Variants in C10orf67 observed in about 807,000 individuals in gnomAD.
C10orf67 encodes the protein chromosome 10 open reading frame 67.
C10orf67 carries 60 observed loss-of-function variants against 35.6 expected under a neutral mutation model. The ratio of observed to expected loss-of-function variants is 1.68; its 90% CI spans 1.37 to 2.09. The LOEUF (loss-of-function observed/expected upper bound fraction) is 2.09. C10orf67 is among the 30% of genes most tolerant of loss of function. The probability of loss-of-function intolerance (pLI) is 0.00; values close to 1 mark genes in which losing one functional copy is unlikely to be tolerated. For missense variants in C10orf67, 474 were observed against 330.2 expected (o/e 1.44, Z -3.38); for synonymous variants, 167 against 115.8 (o/e 1.44, Z -2.84).
chr10:23,308,451 C>A (rs1409060443), intron 4 of C10orf67, among the ~76,000 whole-genome samples: 1 of 152,198 alleles, frequency 6.6e-6, no homozygotes, highest in Non-Finnish European at 1.5e-5. Context: ...TGATCTGCTG[C>A]CAACTTACCT....
At chr10:23,211,944 G>A (rs1278088721) in intron 15 of C10orf67, among the ~76,000 whole-genome samples, 1 of 152,180 alleles carries the variant, frequency 6.6e-6, no homozygotes, top group Non-Finnish European at 1.5e-5. Flanking sequence ...AAGCCAGCCT[G>A]TTAGGAATTG....
At chr10:23,220,148 G>A (rs1841539566) in intron 15 of C10orf67, among the ~76,000 whole-genome samples, 1 of 151,960 alleles carries the variant, frequency 6.6e-6, no homozygotes, top group Admixed American at 6.6e-5. Context: ...CTCCAGCCTG[G>A]ATGACAGACA....
At chr10:23,330,982 ACTGGTAAGGG>A (rs2132380806) in intron 2 of C10orf67, among the ~76,000 whole-genome samples, 2 of 135,650 alleles carry the variant, frequency 1.5e-5, no homozygotes, top group South Asian at 5.2e-4. Flanking sequence ...GGGGAGGGAA[ACTGGTAAGGG>A]AGGGAAGGGG....
intron 7 of C10orf67, among the ~76,000 whole-genome samples, chr10:23,282,617 G>A (rs921224740): frequency 6.6e-6 from 1 of 152,028 alleles, no homozygotes; most frequent in Non-Finnish European, 1.5e-5. Context: ...GATCACCTGA[G>A]GTCAGGAGTT....
At chr10:23,321,740 G>T (rs12260616) in intron 3 of C10orf67, among the ~76,000 whole-genome samples, 2 of 152,108 alleles carry the variant, frequency 1.3e-5, no homozygotes, top group Non-Finnish European at 2.9e-5. Context: ...GATGGTTTTT[G>T]TTTGCTTGTT....
intron 4 of C10orf67, among the ~76,000 whole-genome samples, chr10:23,306,374 A>T (rs2069346627): frequency 6.6e-6 from 1 of 151,940 alleles, no homozygotes; most frequent in Admixed American, 6.6e-5. Context: ...AATGCAAAAA[A>T]TTAGCTGGGC....
rs569758785 is a variant in C10orf67 at position 23,266,435 on chromosome 10, C to T, written c.1036-9G>A. On this transcript the variant is annotated splice_polypyrimidine_tract_variant and intron_variant, in intron 9 of 15. Coordinates refer to ENST00000636213, the MANE Select transcript of C10orf67 (RefSeq NM_001371909.1). ...TTGGCTGATCTTGCAACCTGCCACA[C>T]AAAAAGACACAACTTTGTTATTCTC... 7.5e-6 allele frequency: 3 copies of T among 398,552 alleles called. No individual in the cohort carries two copies. Among genetic ancestry groups the T allele is most frequent in the Non-Finnish European group, 1.3e-5 (3 of 226,034 alleles). 24.7% of individuals were successfully genotyped at this position (398,552 alleles called of 1,614,324 possible). A position where few individuals can be genotyped will look rare whatever the true frequency, so the allele number is the denominator to read the frequency against.
Position 23,231,095 on chromosome 10 carries a change from G to A in C10orf67, c.1435-7277C>T, listed in dbSNP as rs112249021. 3.0e-3 allele frequency among the ~76,000 whole-genome samples: 456 copies of A among 152,066 alleles called. 4 individuals carry two copies. Among genetic ancestry groups the A allele is most frequent in the African/African-American group, 0.01 (434 of 41,510 alleles). ...ATCCTCCCAGCTCAGTCTCAGGCACGTGCCACCATGCCCAGCTGATTTTTT... is the reference window on the plus strand; with the variant it reads ...ATCCTCCCAGCTCAGTCTCAGGCACATGCCACCATGCCCAGCTGATTTTTT... On this transcript the variant is annotated intron_variant, in intron 13 of 15. Coordinates refer to ENST00000636213, the MANE Select transcript of C10orf67 (RefSeq NM_001371909.1).
rs1015409343 is a variant in C10orf67, at chr10:23,203,496, T to C, written c.*677A>G. 1.1e-4 allele frequency: 16 copies of C among 152,176 alleles called. No individual in the cohort carries two copies. Among genetic ancestry groups the C allele is most frequent in the African/African-American group, 3.9e-4 (16 of 41,440 alleles). The allele number at this position is 152,176 out of a possible 1,614,324, so 9.4% of individuals were successfully genotyped here. On this transcript the variant is annotated 3_prime_UTR_variant, in exon 16 of 16. Transcript: ENST00000636213. Reference sequence around the variant, plus strand: ...AAGGCCTTACTTGTAGTTAGGGGAATAGAAAGAACCAAGTTGGACATTACG... The same window carrying C: ...AAGGCCTTACTTGTAGTTAGGGGAACAGAAAGAACCAAGTTGGACATTACG...
At chr10:23,229,433 T>C (rs1257867902) in intron 13 of C10orf67, among the ~76,000 whole-genome samples, 1 of 87,696 alleles carries the variant, frequency 1.1e-5, no homozygotes, top group Non-Finnish European at 2.1e-5. Flanking sequence ...AGGCCTGTCA[T>C]GGGGTGGGGG....
Position 23,212,778 on chromosome 10 carries a change from T to TGAGAGAGAGAGAGAGA in C10orf67, c.1571-8539_1571-8524dup, listed in dbSNP as rs58972226. On this transcript the variant is annotated intron_variant, in intron 15 of 15. Coordinates refer to ENST00000636213, the MANE Select transcript of C10orf67 (RefSeq NM_001371909.1). ...GAACTATATTCAGGAAATATTGTAT[T>TGAGAGAGAGAGAGAGA]GAGAGAGAGAGAGAGAGAGAGAGAG... Among the ~76,000 whole-genome samples, 136 of 101,152 alleles carry TGAGAGAGAGAGAGAGA rather than the reference T, an allele frequency of 1.3e-3. 3 individuals carry two copies. Among genetic ancestry groups the TGAGAGAGAGAGAGAGA allele is most frequent in the South Asian group, 3.2e-3 (7 of 2,222 alleles). The allele number at this position is 101,152 out of a possible 152,430, so 66.4% of individuals were successfully genotyped here.
At chr10:23,340,254 C>T (rs1202072964) in intron 1 of C10orf67, among the ~76,000 whole-genome samples, 1 of 150,244 alleles carries the variant, frequency 6.7e-6, no homozygotes, top group Non-Finnish European at 1.5e-5. Flanking sequence ...TGGCTCACAC[C>T]AGCATTTTGG....
At chr10:23,269,644 G>A (rs2132206436) in intron 8 of C10orf67, among the ~76,000 whole-genome samples, 1 of 152,106 alleles carries the variant, frequency 6.6e-6, no homozygotes, top group Non-Finnish European at 1.5e-5. Context: ...CTGTCTACAA[G>A]AGAAGCACTT....
At chr10:23,343,675 C>T (rs1447811271) in intron 1 of C10orf67, among the ~76,000 whole-genome samples, 3 of 152,198 alleles carry the variant, frequency 2.0e-5, no homozygotes, top group Non-Finnish European at 4.4e-5. Flanking sequence ...AGAGGGTCGC[C>T]AAGATTCTGG....
At chr10:23,222,038 T>C (rs111231302) in intron 15 of C10orf67, among the ~76,000 whole-genome samples, 1,583 of 152,300 alleles carry the variant, frequency 0.01, 34 homozygotes, top group African/African-American at 0.036. Flanking sequence ...ATTATGAGCC[T>C]TAGAGCACAC....
intron 15 of C10orf67, among the ~76,000 whole-genome samples, chr10:23,222,924 C>G (rs993836648): frequency 1.3e-5 from 2 of 152,122 alleles, no homozygotes; most frequent in African/African-American, 2.4e-5. Flanking sequence ...GCTGGAATTA[C>G]AGGTGTGAGC....
intron 10 of C10orf67, among the ~76,000 whole-genome samples, chr10:23,253,504 C>T (rs112806571): frequency 1.5e-3 from 230 of 152,210 alleles, no homozygotes; most frequent in South Asian, 5.0e-3. Flanking sequence ...AGGGAGAACA[C>T]TTGCCATTAT....
chr10:23,326,811 T>C (rs988876800), intron 2 of C10orf67, among the ~76,000 whole-genome samples: 1 of 152,056 alleles, frequency 6.6e-6, no homozygotes, highest in Non-Finnish European at 1.5e-5. Context: ...GGTCAAAAGA[T>C]CTTTAGAAAT....
intron 13 of C10orf67, among the ~76,000 whole-genome samples, chr10:23,230,987 A>G: frequency 6.6e-6 from 1 of 151,964 alleles, no homozygotes; most frequent in East Asian, 1.9e-4. Flanking sequence ...TTTTTTGGAG[A>G]CAGGGTCTTG....
Sources: allele counts gnomAD v4.1 joint callset (sites outside exome capture counted in the v4.1 genomes callset), GRCh38; gene constraint gnomAD v4.1.1; transcripts MANE v1.5; gene names NCBI Gene and HGNC (gene_info 2026-07-23, HGNC 2026-07-21).